Variants in WDR18 observed in about 807,000 individuals in gnomAD.
WDR18 encodes WD repeat domain 18, also known as WD repeat-containing protein 18.
A neutral mutation model predicts 49.6 loss-of-function variants in WDR18; 33 were observed. The observed-to-expected ratio is 0.67, with a 90% confidence interval of 0.50 to 0.89. The LOEUF is 0.89. Among genes scored for constraint, WDR18 ranks in the 40% least tolerant of loss-of-function variants. The probability of loss-of-function intolerance (pLI) is 0.00; values close to 1 mark genes in which losing one functional copy is unlikely to be tolerated. For synonymous variants in WDR18, 315 were observed against 263.6 expected, an observed-to-expected ratio of 1.19 and a Z score of -1.89; for missense variants, 653 against 593.6, an observed-to-expected ratio of 1.10 and a Z score of -1.04.
chr19:985,799 C>A, intron 1 of WDR18, 66 bp from the exon 2 acceptor site: 1 of 1,509,966 alleles, frequency 6.6e-7, no homozygotes, highest in African/African-American at 1.4e-5. Flanking sequence ...CCTCCCCTCG[C>A]CCTCCACTGC....
intron 2 of WDR18, among the ~76,000 whole-genome samples, chr19:986,471 G>GT (rs1479748557): frequency 6.6e-6 from 1 of 152,146 alleles, no homozygotes; most frequent in Non-Finnish European, 1.5e-5. Flanking sequence ...GCTTCACAAT[G>GT]TTGGTCAGGC....
intron 1 of WDR18, 91 bp downstream of exon 1, chr19:984,654 C>A: frequency 7.8e-7 from 1 of 1,277,382 alleles, no homozygotes; most frequent in South Asian, 1.7e-5. Context: ...CACCCTTAGT[C>A]GGAATTGGCG....
In WDR18 at chr19:991,962, C is replaced by G; in HGVS notation, c.939C>G (p.Val313=). The G allele has an allele frequency of 6.3e-7, 1 of 1,588,338 alleles. No individual in the cohort carries two copies. Among genetic ancestry groups the G allele is most frequent in the Non-Finnish European group, 8.5e-7 (1 of 1,173,060 alleles). ...CIRTVALKGP[V]TNAAILLAPV... ...GACCTCCGCGCCCCCCAGGCCCAGT[C>G]ACCAATGCCGCCATCCTGCTGGCGC... is the stretch of plus-strand genomic sequence containing the variant. The change falls in exon 8 of 10, where the codon GTC becomes GTG. Residue 313 remains valine, a synonymous_variant. Coordinates refer to ENST00000585809, the MANE Select transcript of WDR18 (RefSeq NM_024100.4).
chr19:994,049 G>A lies in WDR18; in HGVS notation c.1128G>A (p.Thr376=), dbSNP rs749901185. 7.4e-5 allele frequency: 115 copies of A among 1,560,870 alleles called. 1 individual carries two copies. Among genetic ancestry groups the A allele is most frequent in the South Asian group, 3.3e-4 (28 of 84,848 alleles). The part of the protein sequence containing the change: ...QGSEPSYLDR[T]EQLQAVLCST... ...CGGAGCCCAGCTACCTGGACCGCAC[G>A]GAGCAGCTGCAGGCCGTCCTGTGCA... The change falls in exon 9 of 10, where the codon ACG becomes ACA. Residue 376 remains threonine, a synonymous_variant. Coordinates refer to ENST00000585809, the MANE Select transcript of WDR18 (RefSeq NM_024100.4).
At position 991,999 on chromosome 19, in the gene WDR18, C is replaced by G; in HGVS notation, c.976C>G (p.Leu326Val). ...CATCCTGCTGGCGCCCGTCAGCATGCTGAGCTCAGACTTCAGGCCCAGCCT... is the reference window on the plus strand; with the variant it reads ...CATCCTGCTGGCGCCCGTCAGCATGGTGAGCTCAGACTTCAGGCCCAGCCT... ...AAILLAPVSM[L>V]SSDFRPSLPL... Residue 326 changes from leucine (L) to valine (V), a missense_variant, in exon 8 of 10, where the codon CTG (leucine) becomes GTG (valine). Leu to Val is a conservative substitution (Grantham distance 32). Transcript: ENST00000585809. 1 of 1,598,258 alleles carries G rather than the reference C, an allele frequency of 6.3e-7. No homozygotes were observed. The highest frequency in any genetic ancestry group is 8.5e-7 in the Non-Finnish European group (1 of 1,176,238).
At position 989,796 on chromosome 19, in the gene WDR18, G is replaced by A. The variant is rs758643065; in HGVS notation, c.356G>A (p.Arg119Gln). 44 of 1,612,710 alleles carry A rather than the reference G, an allele frequency of 2.7e-5. No individual in the cohort carries two copies. The highest frequency in any genetic ancestry group is 3.4e-5 in the Non-Finnish European group (40 of 1,179,906). The part of the protein sequence containing the change: ...STGNLLVILS[R>Q]HYQDVSCLQF... ...GGGAACCTTCTGGTCATCCTGAGTC[G>A]ACACTACCAGGACGTCTCCTGCCTT... The change falls in exon 3 of 10, where the codon CGA becomes CAA. Residue 119 changes from arginine (R) to glutamine (Q), a missense_variant. By Grantham distance (43) the Arg-to-Gln change is conservative (BLOSUM62 1). Coordinates refer to ENST00000585809, the MANE Select transcript of WDR18 (RefSeq NM_024100.4).
Position 993,985 on chromosome 19 carries a change from C to T in WDR18, c.1099-35C>T, listed in dbSNP as rs372720054. The stretch of plus-strand genomic sequence containing the variant: ...GCAAAGCGTGTGGTGTGTGACAGGA[C>T]GCGCCCCGAGGTCACGTGGCTCCCT... On this transcript the variant is annotated intron_variant, in intron 8 of 9. Transcript: ENST00000585809. 294 of 1,546,984 alleles carry T rather than the reference C, an allele frequency of 1.9e-4. 4 individuals carry two copies. The Middle Eastern group carries it at 3.4e-3, about 18-fold the overall frequency.
intron 8 of WDR18, 78 bp downstream of exon 8, chr19:992,199 T>G (rs1328532719): frequency 9.4e-6 from 13 of 1,377,638 alleles, no homozygotes; most frequent in Middle Eastern, 2.7e-4. Flanking sequence ...TTCGCTCCCT[T>G]GGTCCTGGCG....
Position 991,125 on chromosome 19 carries a change from G to A in WDR18, c.786G>A (p.Gly262=). 1.3e-6 allele frequency: 2 copies of A among 1,581,736 alleles called. No individual in the cohort carries two copies. The highest frequency in any genetic ancestry group is 1.1e-5 in the South Asian group (1 of 87,668). Residue 262 remains glycine, a synonymous_variant, in exon 6 of 10, where the codon GGG becomes GGA. Transcript: ENST00000585809. ...ERSFHPEQDA[G]KVFKGHRNQV... is the part of the protein sequence containing the mutation. ...GCTTCCACCCAGAGCAGGACGCCGGGAAGGTCTTCAAAGGGCACAGGTGGG... is the reference window on the plus strand; with the variant it reads ...GCTTCCACCCAGAGCAGGACGCCGGAAAGGTCTTCAAAGGGCACAGGTGGG...
rs531957953 is a variant in WDR18 at position 989,266 on chromosome 19, G to A, written c.322-496G>A. On this transcript the variant is annotated intron_variant, in intron 2 of 9. Coordinates refer to ENST00000585809, the MANE Select transcript of WDR18 (RefSeq NM_024100.4). ...CATCTCAGCCCTCCCCAGGTGTCCTGGAAGGGGCTCCCTGTCCTCTTCCTC... is the reference window on the plus strand; with the variant it reads ...CATCTCAGCCCTCCCCAGGTGTCCTAGAAGGGGCTCCCTGTCCTCTTCCTC... Among the ~76,000 whole-genome samples the A allele has an allele frequency of 5.5e-5, 8 of 145,774 alleles. No homozygotes were observed. In the East Asian group the frequency reaches 1.4e-3, roughly 26 times the overall value.
Position 991,365 on chromosome 19 carries a change from T to C in WDR18, c.931+14T>C, listed in dbSNP as rs1267333206. The C allele has an allele frequency of 6.0e-6, 9 of 1,497,018 alleles. No individual in the cohort carries two copies. In the South Asian group the frequency reaches 7.2e-5, roughly 12 times the overall value. The allele number at this position is 1,497,018 out of a possible 1,614,324, so 92.7% of individuals were successfully genotyped here. A position where few individuals can be genotyped will look rare whatever the true frequency, so the allele number is the denominator to read the frequency against. On this transcript the variant is annotated intron_variant, in intron 7 of 9. Coordinates refer to ENST00000585809, the MANE Select transcript of WDR18 (RefSeq NM_024100.4). ...TGGCCCTCAAAGGTGGGCGCGCCTC[T>C]GCTCGGCCCGCGGCCAGCGCGCAGG... is the stretch of plus-strand genomic sequence containing the variant.
chr19:983,622 G>C (rs1303448990), upstream of WDR18, among the ~76,000 whole-genome samples: 1 of 151,750 alleles, frequency 6.6e-6, no homozygotes, highest in African/African-American at 2.4e-5. Flanking sequence ...GTGACATGAA[G>C]TTAGACCCTG....
At position 985,886 on chromosome 19, in the gene WDR18, A is replaced by T. The variant is rs1043846698; in HGVS notation, c.232A>T (p.Met78Leu). 6.2e-7 allele frequency: 1 copy of T among 1,613,826 alleles called. No individual in the cohort carries two copies. The highest frequency in any genetic ancestry group is 8.5e-7 in the Non-Finnish European group (1 of 1,179,932). The change falls in exon 2 of 10, where the codon ATG becomes TTG. Residue 78 changes from methionine to leucine, a missense_variant. Met to Leu is a conservative substitution (Grantham distance 15). Transcript: ENST00000585809. ...TTAGGACCAGCTCCAGCAGAAGATCATGTGCCCCGGGCCTGTCACCTGTCT... is the reference window on the plus strand; with the variant it reads ...TTAGGACCAGCTCCAGCAGAAGATCTTGTGCCCCGGGCCTGTCACCTGTCT... ...QRKDQLQQKIMCPGPVTCLTA... is the reference protein window; with the variant it reads ...QRKDQLQQKILCPGPVTCLTA...
rs748332581 is a variant in WDR18 at position 992,077 on chromosome 19, C to G, written c.1054C>G (p.Pro352Ala). Residue 352 changes from proline to alanine, a missense_variant, in exon 8 of 10, where the codon CCG (proline) becomes GCG (alanine). Physicochemically the swap from Pro to Ala is conservative, Grantham distance 27. Coordinates refer to ENST00000585809, the MANE Select transcript of WDR18 (RefSeq NM_024100.4). Reference sequence around the variant, plus strand: ...GCTGGGCGCCGAGCACGGGGACGAGCCGCGCCACGGGGGCCTCACTCTGCG... The same window carrying G: ...GCTGGGCGCCGAGCACGGGGACGAGGCGCGCCACGGGGGCCTCACTCTGCG... Reference protein sequence around the residue: ...HLLGAEHGDEPRHGGLTLRLG... With the variant: ...HLLGAEHGDEARHGGLTLRLG... The G allele has an allele frequency of 6.4e-7, 1 of 1,558,596 alleles. No individual in the cohort carries two copies. The highest frequency in any genetic ancestry group is 8.6e-7 in the Non-Finnish European group (1 of 1,157,478).
intron 2 of WDR18, among the ~76,000 whole-genome samples, chr19:987,995 A>C (rs1003297741): frequency 2.6e-5 from 4 of 151,422 alleles, no homozygotes; most frequent in Non-Finnish European, 5.9e-5. Flanking sequence ...ATGCCTGGCT[A>C]ATTTTTGTAT....
chr19:984,271 G>A (rs937453248), upstream of WDR18: 15 of 1,338,266 alleles, frequency 1.1e-5, no homozygotes, highest in African/African-American at 1.6e-5. Context: ...CTGGGGCCGC[G>A]GGGCCGCCGC....
intron 2 of WDR18, among the ~76,000 whole-genome samples, chr19:986,641 T>G (rs2038478618): frequency 6.6e-6 from 1 of 152,218 alleles, no homozygotes. Flanking sequence ...GCCCGGATCC[T>G]GCCATGCTCT....
chr19:988,198 C>T (rs936086452), intron 2 of WDR18, among the ~76,000 whole-genome samples: 9 of 152,068 alleles, frequency 5.9e-5, no homozygotes, highest in African/African-American at 1.2e-4. Context: ...GAGCTCAGGC[C>T]GGGACTGCCT....
rs754880204 is a variant in WDR18, at chr19:990,329, C to T, written c.562C>T (p.Arg188Trp). ...LHCGFGGPLA[R>W]VATSSLDQTV... The stretch of plus-strand genomic sequence containing the variant: ...CTGCGGCTTTGGGGGCCCCCTGGCC[C>T]GGGTGGCCACCTCCTCACTGGACCA... The change falls in exon 4 of 10, where the codon CGG becomes TGG. Residue 188 changes from arginine to tryptophan, a missense_variant. Arg to Trp is a moderately radical substitution (Grantham distance 101). Coordinates refer to ENST00000585809, the MANE Select transcript of WDR18 (RefSeq NM_024100.4). 13 of 1,591,528 alleles carry T rather than the reference C, an allele frequency of 8.2e-6. No homozygotes were observed. The highest frequency in any genetic ancestry group is 1.1e-5 in the South Asian group (1 of 89,604).
Sources: gnomAD v4.1 joint callset for allele counts (sites outside exome capture counted in the v4.1 genomes callset) on GRCh38, gnomAD v4.1.1 for gene constraint, MANE v1.5 for transcripts, NCBI Gene and HGNC (gene_info 2026-07-23, HGNC 2026-07-21) for gene names.